The following TCF20 variants were observed in gnomAD, a reference collection of about 807,000 sequenced individuals.
TCF20 encodes SPRE-binding protein.
Under a neutral mutation model 148.6 loss-of-function variants are expected in TCF20, and 3 were observed. That is an observed-to-expected ratio of 0.02 (90% CI 0.01 to 0.05). The LOEUF is 0.05. TCF20 is among the 10% of genes least tolerant of loss of function. The pLI, the probability that TCF20 is intolerant of heterozygous loss-of-function variation, is 1.00. For synonymous variants in TCF20, 1,049 were observed against 909.5 expected, an observed-to-expected ratio of 1.15 and a Z score of -2.76; for missense variants, 2,350 against 2,429.3, an observed-to-expected ratio of 0.97 and a Z score of 0.69.
chr22:42,262,749 A>G (rs1284904885), intron 1 of TCF20, among the ~76,000 whole-genome samples: 6 of 152,094 alleles, frequency 3.9e-5, no homozygotes, highest in Non-Finnish European at 7.4e-5. Flanking sequence ...ATGAGGAAAT[A>G]CATGGTCCCG....
intron 2 of TCF20, among the ~76,000 whole-genome samples, chr22:42,194,689 T>C (rs1478938036): frequency 6.6e-6 from 1 of 152,052 alleles, no homozygotes; most frequent in Admixed American, 6.5e-5. Context: ...GTGCTCTTGG[T>C]GGACTGTGAG....
intron 3 of TCF20, among the ~76,000 whole-genome samples, chr22:42,175,098 C>G (rs1267522829): frequency 2.6e-5 from 4 of 152,160 alleles, no homozygotes; most frequent in African/African-American, 4.8e-5. Context: ...ACTGCTCCCC[C>G]TCTTTCCTGG....
intron 1 of TCF20, among the ~76,000 whole-genome samples, chr22:42,236,714 C>G (rs1320364184): frequency 2.0e-5 from 3 of 152,124 alleles, no homozygotes; most frequent in African/African-American, 7.2e-5. Flanking sequence ...TATGAAAAAT[C>G]AGCCACAAGC....
intron 1 of TCF20, among the ~76,000 whole-genome samples, chr22:42,323,903 AGGTGGTGGT>A: frequency 5.9e-5 from 1 of 16,848 alleles, no homozygotes; most frequent in Admixed American, 6.7e-4. Flanking sequence ...ATGGTGGTGG[AGGTGGTGGT>A]GGTGATGGAG....
rs1466164378 is a variant in TCF20, at chr22:42,212,569, C to T, written c.2737G>A (p.Gly913Ser). ...AGCTTGGTTTCCATGGACACCAAAC[C>T]ACCAGGAAGAATGACCGACTGACTT... ...TLSQSVILPGGLVSMETKLKS... is the reference protein window; with the variant it reads ...TLSQSVILPGSLVSMETKLKS... The change falls in exon 2 of 6, where the codon GGT becomes AGT. Residue 913 changes from glycine to serine, a missense_variant. Around this residue, in one of 7 missense-constraint regions of TCF20, gnomAD observed 1,641 missense variants for 1,662.6 expected, o/e 0.99. Coordinates refer to ENST00000677622, the MANE Select transcript of TCF20 (RefSeq NM_001378418.1). 9 of 1,614,032 alleles carry T rather than the reference C, an allele frequency of 5.6e-6. No individual in the cohort carries two copies. Among genetic ancestry groups the T allele is most frequent in the Non-Finnish European group, 7.6e-6 (9 of 1,179,892 alleles).
In TCF20 at chr22:42,210,565, T is replaced by C; in HGVS notation, c.4741A>G (p.Arg1581Gly). 6.2e-7 allele frequency: 1 copy of C among 1,614,142 alleles called. No individual in the cohort carries two copies. The highest frequency in any genetic ancestry group is 8.5e-7 in the Non-Finnish European group (1 of 1,180,034). ...GGCTTCCTTCTCTCCCTCCTTTGCC[T>C]CTGTTTTTTTGGCTTTGGCTCTCCA... ...ADGEPKPKKQ[R>G]QRRERRKPGA... The change falls in exon 2 of 6, where the codon AGG becomes GGG. Residue 1581 changes from arginine to glycine, a missense_variant. Physicochemically the swap from Arg to Gly is moderately radical, Grantham distance 125 (BLOSUM62 -2). This residue lies in a region of TCF20 where 374 missense variants were observed against 398.3 expected (regional missense o/e 0.94). Coordinates refer to ENST00000677622, the MANE Select transcript of TCF20 (RefSeq NM_001378418.1). The surrounding 1 kb of genome is among the most constrained non-coding windows in gnomAD (Gnocchi z 4.7).
chr22:42,210,620 C>T lies in TCF20; in HGVS notation c.4686G>A (p.Gln1562=). ...CAGAACCTTCTGGTATCTGTGGGGGCTGAGGGGGTGGAGGCGGTGGCTGCT... is the reference window on the plus strand; with the variant it reads ...CAGAACCTTCTGGTATCTGTGGGGGTTGAGGGGGTGGAGGCGGTGGCTGCT... ...KQQQPPPPPP[Q]PPQIPEGSAD... The change falls in exon 2 of 6, where the codon CAG becomes CAA. Residue 1562 remains glutamine, a synonymous_variant. Coordinates refer to ENST00000677622, the MANE Select transcript of TCF20 (RefSeq NM_001378418.1). The surrounding 1 kb of genome is among the most constrained non-coding windows in gnomAD (Gnocchi z 4.7). The T allele has an allele frequency of 6.2e-7, 1 of 1,614,052 alleles. No individual in the cohort carries two copies. Among genetic ancestry groups the T allele is most frequent in the Non-Finnish European group, 8.5e-7 (1 of 1,179,938 alleles).
intron 1 of TCF20, among the ~76,000 whole-genome samples, chr22:42,333,394 T>C (rs1336182838): frequency 3.3e-5 from 5 of 152,078 alleles, no homozygotes; most frequent in Admixed American, 6.5e-5. Flanking sequence ...GTGTAGACAG[T>C]GGCAGGAGCT....
chr22:42,218,950 A>C (rs1216176267), intron 1 of TCF20, among the ~76,000 whole-genome samples: 1 of 152,164 alleles, frequency 6.6e-6, no homozygotes, highest in African/African-American at 2.4e-5. Context: ...CAGTCATGCT[A>C]AATATTCTTA....
intron 1 of TCF20, among the ~76,000 whole-genome samples, chr22:42,237,701 A>G (rs1213417070): frequency 6.6e-6 from 1 of 152,244 alleles, no homozygotes; most frequent in Non-Finnish European, 1.5e-5. Flanking sequence ...GGGGCTGCAG[A>G]ATAGATGTTG....
intron 1 of TCF20, among the ~76,000 whole-genome samples, chr22:42,226,578 A>T (rs1018281853): frequency 1.3e-5 from 2 of 151,960 alleles, no homozygotes; most frequent in Non-Finnish European, 2.9e-5. Context: ...GGTGGCGGAA[A>T]CCTATAATCC....
At chr22:42,220,340 A>G (rs1922242731) in intron 1 of TCF20, among the ~76,000 whole-genome samples, 1 of 152,086 alleles carries the variant, frequency 6.6e-6, no homozygotes, top group Non-Finnish European at 1.5e-5. Context: ...TTTTTAAAAA[A>G]TAATTGGGAC....
intron 5 of TCF20, among the ~76,000 whole-genome samples, chr22:42,165,886 CAT>C (rs775093354): frequency 6.6e-6 from 1 of 152,340 alleles, no homozygotes; most frequent in East Asian, 1.9e-4. Context: ...CAGCACCTAT[CAT>C]ATCACTCTGT....
intron 2 of TCF20, among the ~76,000 whole-genome samples, chr22:42,199,932 A>AT (rs1167606819): frequency 1.4e-5 from 2 of 143,646 alleles, no homozygotes; most frequent in African/African-American, 2.6e-5. Flanking sequence ...GATAGCTTAA[A>AT]TTTTTTTGGT....
upstream of TCF20, among the ~76,000 whole-genome samples, chr22:42,286,973 G>A (rs1927043576): frequency 6.6e-6 from 1 of 152,102 alleles, no homozygotes; most frequent in Admixed American, 6.5e-5. Flanking sequence ...AAGATGCAGA[G>A]AAGGGCCTTG....
rs1008384526 is a variant in TCF20 at position 42,340,795 on chromosome 22, C to T, written c.-37+2684G>A. On this transcript the variant is annotated intron_variant, in intron 1 of 1. Transcript: ENST00000515426. ...TCCATCCCTCATCATCTCTTCCACA[C>T]GCCAAAGCTGCCTCCTTCCCCATCA... Among the ~76,000 whole-genome samples the T allele has an allele frequency of 3.9e-5, 6 of 152,006 alleles. No individual in the cohort carries two copies. The East Asian group carries it at 1.2e-3, about 29-fold the overall frequency.
chr22:42,302,429 C>T (rs1927354156), intron 1 of TCF20, among the ~76,000 whole-genome samples: 3 of 152,162 alleles, frequency 2.0e-5, no homozygotes, highest in African/African-American at 7.2e-5. Flanking sequence ...AGGCACGTTC[C>T]TCTACCCTCA....
rs141476635 is a variant in TCF20, at chr22:42,209,718, T to C, written c.5588A>G (p.Asn1863Ser). The change falls in exon 2 of 6, where the codon AAT (asparagine) becomes AGT (serine). Residue 1863 changes from asparagine (N) to serine (S), a missense_variant. By Grantham distance (46) the Asn-to-Ser change is conservative (BLOSUM62 1). Transcript: ENST00000677622. ...WVHEGCILWA[N>S]GIYLVCGRLY... ...CCTGCCACAAACCAGGTAGATTCCA[T>C]TGGCCCAGAGAATACAACCCTCATG... The C allele has an allele frequency of 6.5e-5, 105 of 1,614,220 alleles. No homozygotes were observed. Among genetic ancestry groups the C allele is most frequent in the Middle Eastern group, 3.3e-4 (2 of 6,062 alleles).
chr22:42,191,559 G>A (rs928660930), intron 2 of TCF20, among the ~76,000 whole-genome samples: 2 of 152,158 alleles, frequency 1.3e-5, no homozygotes, highest in African/African-American at 2.4e-5. Flanking sequence ...AAAGTGCGGG[G>A]ATTACAGGCA....
Sources: allele counts gnomAD v4.1 joint callset (sites outside exome capture counted in the v4.1 genomes callset), GRCh38; gene constraint gnomAD v4.1.1; regional missense constraint gnomAD v4.1.1; non-coding constraint Gnocchi (gnomAD v3.1); transcripts MANE v1.5; gene names NCBI Gene and HGNC (gene_info 2026-07-23, HGNC 2026-07-21).